TBCD: variants seen among roughly 807,000 people sequenced by gnomAD.
TBCD encodes tubulin-specific chaperone D.
TBCD carries 105 observed loss-of-function variants against 169.3 expected under a neutral mutation model. That is an observed-to-expected ratio of 0.62 (90% CI 0.53 to 0.73). The LOEUF is 0.73. Ranked by LOEUF, TBCD falls within the 30% of genes least tolerant of loss-of-function variation. The pLI, the probability that TBCD is intolerant of heterozygous loss-of-function variation, is 0.00. For synonymous variants in TBCD, 700 were observed against 643.9 expected (o/e 1.09, Z -1.32); for missense variants, 1,444 against 1,600.1 (o/e 0.90, Z 1.66).
At chr17:82,846,963 G>T (rs1307145891) in intron 13 of TBCD, among the ~76,000 whole-genome samples, 1 of 152,238 alleles carries the variant, frequency 6.6e-6, no homozygotes, top group Non-Finnish European at 1.5e-5. Context: ...TGTGCCTGTG[G>T]TCGTGGCCAA....
chr17:82,792,690 A>T (rs1425901221), intron 7 of TBCD, among the ~76,000 whole-genome samples: 3 of 152,216 alleles, frequency 2.0e-5, no homozygotes. Context: ...TGTGAAGGTA[A>T]TTAGTGTTTA....
intron 13 of TBCD, among the ~76,000 whole-genome samples, chr17:82,846,368 G>A (rs1361017399): frequency 6.6e-6 from 1 of 151,438 alleles, no homozygotes. Flanking sequence ...CATGCGCTGT[G>A]TCCCATGTGC....
At chr17:82,887,183 GTGCGCTCA>G (rs2058813971) in intron 15 of TBCD, among the ~76,000 whole-genome samples, 6 of 131,978 alleles carry the variant, frequency 4.5e-5, no homozygotes, top group South Asian at 5.1e-4. Context: ...GCGCGCGCAC[GTGCGCTCA>G]CGCGTTTACT....
chr17:82,906,071 C>T lies in TBCD; in HGVS notation c.1922+18C>T, dbSNP rs760059353. On this transcript the variant is annotated intron_variant, in intron 20 of 38. Coordinates refer to ENST00000355528, the MANE Select transcript of TBCD (RefSeq NM_005993.5). Reference sequence around the variant, plus strand: ...GAGAACAGGTAGGAAGAGTGGGTCTCGAGGAGACACAGGGCTCTGTCCCTG... The same window carrying T: ...GAGAACAGGTAGGAAGAGTGGGTCTTGAGGAGACACAGGGCTCTGTCCCTG... 97 of 1,566,504 alleles carry T rather than the reference C, an allele frequency of 6.2e-5. No individual in the cohort carries two copies. In the Middle Eastern group the frequency reaches 8.3e-4, roughly 13 times the overall value.
At position 82,927,312 on chromosome 17, in the gene TBCD, C is replaced by T. The variant is rs376924281; in HGVS notation, c.2598C>T (p.Asp866=). The T allele has an allele frequency of 6.2e-6, 10 of 1,613,678 alleles. No homozygotes were observed. The highest frequency in any genetic ancestry group is 4.4e-5 in the South Asian group (4 of 91,062). ...MDDYTTDSRG[D]VGTWVRKAAM... ...ACTACACCACGGACAGCAGAGGGGA[C>T]GTGGGCACCTGGTACGTACGTAGCA... The change falls in exon 29 of 39, where the codon GAC becomes GAT. Residue 866 remains aspartate, a synonymous_variant. Transcript: ENST00000355528.
chr17:82,793,032 G>A (rs1342054591), intron 7 of TBCD, among the ~76,000 whole-genome samples: 3 of 152,026 alleles, frequency 2.0e-5, no homozygotes, highest in African/African-American at 7.3e-5. Flanking sequence ...CAAAGCGCTC[G>A]GATTCTAGGT....
intron 13 of TBCD, among the ~76,000 whole-genome samples, chr17:82,823,599 G>T (rs1395105898): frequency 1.3e-5 from 2 of 150,552 alleles, no homozygotes; most frequent in Non-Finnish European, 3.0e-5. Flanking sequence ...GCAGACGGCA[G>T]TGGGCCCCCG....
chr17:82,840,909 G>T (rs1463249655), intron 13 of TBCD, among the ~76,000 whole-genome samples: 5 of 150,810 alleles, frequency 3.3e-5, no homozygotes, highest in Non-Finnish European at 7.4e-5. Flanking sequence ...GGCAGAGGCT[G>T]CAGGGCTGTG....
chr17:82,914,449 A>C (rs997616614), intron 23 of TBCD, among the ~76,000 whole-genome samples: 2 of 152,206 alleles, frequency 1.3e-5, no homozygotes, highest in Admixed American at 1.3e-4. Flanking sequence ...TATGGGAGGC[A>C]TCCCTGCTCT....
rs747522594 is a variant in TBCD, at chr17:82,941,490, C to G, written c.3564+7C>G. On this transcript the variant is annotated splice_region_variant and intron_variant, in intron 38 of 38. Coordinates refer to ENST00000355528, the MANE Select transcript of TBCD (RefSeq NM_005993.5). ...GCCCCAGCTGGTGCCCCAGGTAACCCTGTCACCTTCACAGCATGAGGTGCC... is the reference window on the plus strand; with the variant it reads ...GCCCCAGCTGGTGCCCCAGGTAACCGTGTCACCTTCACAGCATGAGGTGCC... 74 of 1,584,352 alleles carry G rather than the reference C, an allele frequency of 4.7e-5. No homozygotes were observed. The highest frequency in any genetic ancestry group is 6.2e-5 in the Non-Finnish European group (72 of 1,166,238).
At chr17:82,912,640 T>C (rs572906590) in intron 23 of TBCD, among the ~76,000 whole-genome samples, 1 of 151,614 alleles carries the variant, frequency 6.6e-6, no homozygotes, top group East Asian at 1.9e-4. Context: ...GTGCAGACTT[T>C]TGCTGAGGTC....
chr17:82,917,872 G>T (rs1201512851), intron 23 of TBCD, among the ~76,000 whole-genome samples: 1 of 152,154 alleles, frequency 6.6e-6, no homozygotes, highest in Admixed American at 6.5e-5. Flanking sequence ...CCGTGAGCCG[G>T]GGAGAGTTGG....
Position 82,916,061 on chromosome 17 carries a change from C to T in TBCD, c.2038+4272C>T, listed in dbSNP as rs138362660. Among the ~76,000 whole-genome samples the T allele has an allele frequency of 5.4e-4, 82 of 152,282 alleles. 1 individual carries two copies. The Middle Eastern group carries it at 0.01, about 19-fold the overall frequency. On this transcript the variant is annotated intron_variant, in intron 23 of 38. Coordinates refer to ENST00000355528, the MANE Select transcript of TBCD (RefSeq NM_005993.5). ...AGATACCCTGTTCTCTTTCTTGTTCCGTGGGAATTCACTGGGATTTACCCA... is the reference window on the plus strand; with the variant it reads ...AGATACCCTGTTCTCTTTCTTGTTCTGTGGGAATTCACTGGGATTTACCCA...
chr17:82,823,958 T>C (rs2052618223), intron 13 of TBCD, among the ~76,000 whole-genome samples: 1 of 151,972 alleles, frequency 6.6e-6, no homozygotes, highest in Non-Finnish European at 1.5e-5. Context: ...CCTTTGTAAC[T>C]CTAGTCTACT....
chr17:82,819,363 T>C (rs1418715200), intron 13 of TBCD, among the ~76,000 whole-genome samples: 1 of 152,202 alleles, frequency 6.6e-6, no homozygotes, highest in Admixed American at 6.5e-5. Context: ...TTTTAGGGAA[T>C]CCTGCTGATT....
At position 82,938,054 on chromosome 17, in the gene TBCD, G is replaced by A; in HGVS notation, c.3287G>A (p.Cys1096Tyr). ...QKLLSGIAVF[C>Y]EMVQFPGDVR... ...CCATGTGCTGCTCCCGGCAGGTTCTGCGAGATGGTGCAGTTCCCCGGCGAC... is the reference window on the plus strand; with the variant it reads ...CCATGTGCTGCTCCCGGCAGGTTCTACGAGATGGTGCAGTTCCCCGGCGAC... Residue 1096 changes from cysteine (C) to tyrosine (Y), a missense_variant, in exon 36 of 39, where the codon TGC (cysteine) becomes TAC (tyrosine). Transcript: ENST00000355528. 6.2e-7 allele frequency: 1 copy of A among 1,613,112 alleles called. No homozygotes were observed. The highest frequency in any genetic ancestry group is 8.5e-7 in the Non-Finnish European group (1 of 1,179,786).
At chr17:82,838,885 CG>C in intron 13 of TBCD, 15 of 985,386 alleles carry the variant, frequency 1.5e-5, no homozygotes, top group Non-Finnish European at 1.8e-5. Context: ...CCTGAAACTC[CG>C]GTCAGAAATG....
At chr17:82,773,857 G>A (rs2048428536) in intron 6 of TBCD, among the ~76,000 whole-genome samples, 1 of 151,736 alleles carries the variant, frequency 6.6e-6, no homozygotes, top group African/African-American at 2.4e-5. Flanking sequence ...CTCCCGAGTA[G>A]CTGGGACTAC....
At position 82,914,800 on chromosome 17, in the gene TBCD, A is replaced by G. The variant is rs79044866; in HGVS notation, c.2038+3011A>G. Among the ~76,000 whole-genome samples, 27 of 152,176 alleles carry G rather than the reference A, an allele frequency of 1.8e-4. No individual in the cohort carries two copies. The East Asian group carries it at 4.4e-3, about 25-fold the overall frequency. ...TGATCCTGACTGAGCCTTGGTGTCA[A>G]CTCAGGTTTTTTTCTCCTCCTCGTT... On this transcript the variant is annotated intron_variant, in intron 23 of 38. Coordinates refer to ENST00000355528, the MANE Select transcript of TBCD (RefSeq NM_005993.5).
Sources: gnomAD v4.1 joint callset for allele counts (sites outside exome capture counted in the v4.1 genomes callset) on GRCh38, gnomAD v4.1.1 for gene constraint, MANE v1.5 for transcripts, NCBI Gene and HGNC (gene_info 2026-07-23, HGNC 2026-07-21) for gene names.